DNAH7: variants seen among roughly 807,000 people sequenced by gnomAD.
DNAH7 encodes axonemal beta dynein heavy chain 7.
Under a neutral mutation model 444.6 loss-of-function variants are expected in DNAH7, and 397 were observed. That is an observed-to-expected ratio of 0.89 (90% confidence interval 0.82 to 0.97). DNAH7 has a LOEUF of 0.97. Ranked by LOEUF, DNAH7 falls within the 50% of genes least tolerant of loss-of-function variation. The pLI is 0.00. For missense variants in DNAH7, 4,902 were observed against 4,800.8 expected (o/e 1.02, Z -0.62); for synonymous variants, 1,636 against 1,624.4 (o/e 1.01, Z -0.17).
intron 61 of DNAH7, among the ~76,000 whole-genome samples, chr2:195,760,744 T>C (rs1161211885): frequency 2.6e-5 from 4 of 152,110 alleles, no homozygotes; most frequent in Admixed American, 6.5e-5. Flanking sequence ...CTAAAGCAGA[T>C]ACAGCTGCAG....
At chr2:195,889,218 A>G (rs1701875580) in intron 31 of DNAH7, among the ~76,000 whole-genome samples, 1 of 152,052 alleles carries the variant, frequency 6.6e-6, no homozygotes, top group South Asian at 2.1e-4. Context: ...GACATATGTC[A>G]TCTTTTCTTA....
chr2:195,952,823 C>T (rs1690357478), intron 19 of DNAH7, among the ~76,000 whole-genome samples: 1 of 152,114 alleles, frequency 6.6e-6, no homozygotes, highest in South Asian at 2.1e-4. Context: ...TTCTAGTTAG[C>T]AATTCGTCTA....
intron 49 of DNAH7, among the ~76,000 whole-genome samples, chr2:195,821,806 G>C (rs1484709773): frequency 1.3e-5 from 2 of 152,186 alleles, no homozygotes; most frequent in Non-Finnish European, 2.9e-5. Context: ...CTGCTACTGG[G>C]TGGGAGATAT....
At chr2:195,884,232 T>C (rs1233286061) in intron 35 of DNAH7, among the ~76,000 whole-genome samples, 1 of 152,242 alleles carries the variant, frequency 6.6e-6, no homozygotes, top group Non-Finnish European at 1.5e-5. Context: ...TAGTGCCTAG[T>C]ATACTAACAT....
Position 196,001,282 on chromosome 2 carries a change from G to A in DNAH7, c.1173+393C>T, listed in dbSNP as rs149641936. Among the ~76,000 whole-genome samples the A allele has an allele frequency of 2.0e-5, 3 of 152,212 alleles. No homozygotes were observed. The East Asian group carries it at 5.8e-4, about 29-fold the overall frequency. ...CATGGTAACTTTCTCCAGCCTTCAT[G>A]ACCCAAATTTCCCAATTATGTGAAT... On this transcript the variant is annotated intron_variant, in intron 11 of 64. Coordinates refer to ENST00000312428, the MANE Select transcript of DNAH7 (RefSeq NM_018897.3).
chr2:196,063,102 G>A (rs563896667), intron 1 of DNAH7, among the ~76,000 whole-genome samples: 19 of 152,180 alleles, frequency 1.2e-4, no homozygotes, highest in East Asian at 3.9e-4. Flanking sequence ...GGCTGGTCTC[G>A]AACTCCTGAC....
At chr2:195,778,635 A>T (rs12994446) in intron 58 of DNAH7, among the ~76,000 whole-genome samples, 15 of 47,696 alleles carry the variant, frequency 3.1e-4, no homozygotes, top group African/African-American at 1.1e-3. Context: ...AAAAAAAATA[A>T]ATAAATAAAT....
chr2:195,880,289 A>G (rs1376658941), intron 36 of DNAH7, among the ~76,000 whole-genome samples: 1 of 151,826 alleles, frequency 6.6e-6, no homozygotes, highest in Non-Finnish European at 1.5e-5. Context: ...ACAAAGACTT[A>G]GCTATAAAAA....
chr2:195,834,190 T>A lies in DNAH7; in HGVS notation c.9100+16A>T. On this transcript the variant is annotated intron_variant, in intron 48 of 64. Transcript: ENST00000312428. ...CAGGCAGTTCTGTAATGTATCTTAG[T>A]TATTCAACTACATACCAGGAGTACC... is the stretch of plus-strand genomic sequence containing the variant. 1 of 1,596,544 alleles carries A rather than the reference T, an allele frequency of 6.3e-7. No homozygotes were observed.
chr2:196,026,958 G>C lies in DNAH7; in HGVS notation c.487-18C>G, dbSNP rs764187816. 278 of 1,533,430 alleles carry C rather than the reference G, an allele frequency of 1.8e-4. No individual in the cohort carries two copies. The highest frequency in any genetic ancestry group is 2.3e-4 in the Non-Finnish European group (263 of 1,131,466). 95.0% of individuals were successfully genotyped at this position (1,533,430 alleles called of 1,614,324 possible). The stretch of plus-strand genomic sequence containing the variant: ...TAATATCTCTACAAAAAGAAGATAG[G>C]AAAAATGTAGATGTTTAACAAAAGA... On this transcript the variant is annotated intron_variant, in intron 6 of 64. Transcript: ENST00000312428.
At chr2:195,973,024 G>C (rs62203370) in intron 15 of DNAH7, among the ~76,000 whole-genome samples, 1 of 152,114 alleles carries the variant, frequency 6.6e-6, no homozygotes, top group Non-Finnish European at 1.5e-5. Flanking sequence ...GGTAGTTCCC[G>C]TATCTTGGAG....
intron 24 of DNAH7, among the ~76,000 whole-genome samples, chr2:195,920,133 C>G (rs1001652647): frequency 6.6e-6 from 1 of 152,012 alleles, no homozygotes; most frequent in African/African-American, 2.4e-5. Context: ...GACCATACTG[C>G]CAAAAGCAAT....
intron 19 of DNAH7, among the ~76,000 whole-genome samples, chr2:195,938,154 T>C (rs1190488605): frequency 1.3e-5 from 2 of 152,022 alleles, no homozygotes; most frequent in Non-Finnish European, 2.9e-5. Context: ...AATTTTTGCT[T>C]TTTTTGGATT....
At chr2:196,058,508 A>G (rs1697950188) in intron 1 of DNAH7, among the ~76,000 whole-genome samples, 1 of 152,236 alleles carries the variant, frequency 6.6e-6, no homozygotes, top group Non-Finnish European at 1.5e-5. Context: ...ATAATAAAAC[A>G]GTAATAATAC....
At chr2:195,936,881 T>C (rs1689091765) in intron 19 of DNAH7, 89 bp from the exon 20 acceptor site, 1 of 1,070,588 alleles carries the variant, frequency 9.3e-7, no homozygotes, top group East Asian at 2.9e-5. Context: ...TATATGTTTG[T>C]AATCAAACAA....
intron 19 of DNAH7, among the ~76,000 whole-genome samples, chr2:195,954,099 C>T (rs1230597499): frequency 6.6e-6 from 1 of 152,068 alleles, no homozygotes; most frequent in Non-Finnish European, 1.5e-5. Context: ...CATATGTATA[C>T]ATGTGCCATG....
intron 48 of DNAH7, chr2:195,824,970 T>G (rs945258983): frequency 2.6e-5 from 4 of 152,234 alleles, no homozygotes; most frequent in African/African-American, 9.7e-5. Context: ...ACACAGTATA[T>G]AGATTGATAG....
At chr2:195,764,572 A>G (rs942611007) in intron 61 of DNAH7, among the ~76,000 whole-genome samples, 2 of 152,174 alleles carry the variant, frequency 1.3e-5, no homozygotes, top group Non-Finnish European at 2.9e-5. Context: ...AAAAATTAGT[A>G]GCATCTCTAT....
intron 46 of DNAH7, among the ~76,000 whole-genome samples, chr2:195,846,947 A>ATGTGTGTGTGTGTG (rs1315064692): frequency 1.7e-4 from 19 of 108,888 alleles, no homozygotes; most frequent in African/African-American, 8.9e-4. Context: ...AAACTCCCAT[A>ATGTGTGTGTGTGTG]TATGTGTGTG....
Sources: allele counts gnomAD v4.1 joint callset (sites outside exome capture counted in the v4.1 genomes callset), GRCh38; gene constraint gnomAD v4.1.1; transcripts MANE v1.5; gene names NCBI Gene and HGNC (gene_info 2026-07-23, HGNC 2026-07-21).